Variants in PDLIM5 observed in about 807,000 individuals in gnomAD.
PDLIM5 encodes the protein PDZ and LIM domain protein 5.
In PDLIM5, 34 loss-of-function variants were observed where a neutral mutation model predicts 64.2. The ratio of observed to expected loss-of-function variants is 0.53; its 90% CI spans 0.40 to 0.71. The LOEUF is 0.71. Ranked by LOEUF, PDLIM5 falls within the 30% of genes least tolerant of loss-of-function variation. The probability of loss-of-function intolerance (pLI) is 0.00; values close to 1 mark genes in which losing one functional copy is unlikely to be tolerated. For missense variants in PDLIM5, 683 were observed against 733.6 expected (o/e 0.93, Z 0.80); for synonymous variants, 253 against 269.1 (o/e 0.94, Z 0.59).
At chr4:94,578,169 A>G (rs1195510223) in intron 5 of PDLIM5, among the ~76,000 whole-genome samples, 1 of 152,196 alleles carries the variant, frequency 6.6e-6, no homozygotes, top group Admixed American at 6.5e-5. Flanking sequence ...AAAAGCAAAC[A>G]GGTTATGGAA....
At chr4:94,602,747 C>T (rs1490742759) in intron 7 of PDLIM5, among the ~76,000 whole-genome samples, 1 of 152,180 alleles carries the variant, frequency 6.6e-6, no homozygotes, top group Non-Finnish European at 1.5e-5. Context: ...TGAGCCACCA[C>T]ACCAGGCCCC....
At chr4:94,656,694 G>A (rs1359670667) in intron 10 of PDLIM5, 1 of 151,018 alleles carries the variant, frequency 6.6e-6, no homozygotes, top group Non-Finnish European at 1.5e-5. Context: ...GAGTGCAGTG[G>A]CGCGATATCG....
At chr4:94,498,514 A>G (rs1023279363) in intron 2 of PDLIM5, among the ~76,000 whole-genome samples, 2 of 152,220 alleles carry the variant, frequency 1.3e-5, no homozygotes, top group Non-Finnish European at 2.9e-5. Flanking sequence ...GAAGTAGCAC[A>G]TTTATGAGAA....
chr4:94,617,644 C>CAAAA (rs61055444), intron 7 of PDLIM5, among the ~76,000 whole-genome samples: 7 of 66,440 alleles, frequency 1.1e-4, no homozygotes, highest in Admixed American at 1.7e-4. Flanking sequence ...CCTGTGTCTA[C>CAAAA]AAAAAAAAAA....
chr4:94,505,757 C>A (rs1466661492), intron 2 of PDLIM5, among the ~76,000 whole-genome samples: 1 of 152,154 alleles, frequency 6.6e-6, no homozygotes, highest in Non-Finnish European at 1.5e-5. Context: ...CAGGGCAGGG[C>A]GTATGAAAAG....
At chr4:94,647,247 T>C (rs1201001796) in intron 9 of PDLIM5, among the ~76,000 whole-genome samples, 1 of 152,126 alleles carries the variant, frequency 6.6e-6, no homozygotes, top group Non-Finnish European at 1.5e-5. Flanking sequence ...ATAAGTTGTC[T>C]ACAAGAGACA....
At position 94,575,765 on chromosome 4, in the gene PDLIM5, G is replaced by T; in HGVS notation, c.441G>T (p.Ser147=). The change falls in exon 5 of 13, where the codon TCG becomes TCT. Residue 147 remains serine (S), a synonymous_variant. Transcript: ENST00000317968. ...SPKVTSIPSP[S]SAFTPAHATT... ...AAGTCACATCCATCCCATCACCATC[G>T]TCTGCCTTCACCCCAGCCCATGCGA... 1 of 1,613,932 alleles carries T rather than the reference G, an allele frequency of 6.2e-7. No individual in the cohort carries two copies. Among genetic ancestry groups the T allele is most frequent in the Non-Finnish European group, 8.5e-7 (1 of 1,179,968 alleles).
Position 94,664,550 on chromosome 4 carries a change from A to G in PDLIM5, c.*483A>G, listed in dbSNP as rs1453945423. On this transcript the variant is annotated 3_prime_UTR_variant, in exon 13 of 13. Transcript: ENST00000317968. ...AATAGGATTTTAAACAGAGAATTTT[A>G]TCAGTAATAGGTGTCAGTTTTTAAA... 5.9e-6 allele frequency: 5 copies of G among 854,358 alleles called. No homozygotes were observed. Among genetic ancestry groups the G allele is most frequent in the Non-Finnish European group, 5.6e-6 (4 of 710,830 alleles). 52.9% of individuals were successfully genotyped at this position (854,358 alleles called of 1,614,324 possible). A position where few individuals can be genotyped will look rare whatever the true frequency, so the allele number is the denominator to read the frequency against.
chr4:94,582,693 T>TG, intron 5 of PDLIM5: 3 of 1,551,708 alleles, frequency 1.9e-6, no homozygotes, highest in Non-Finnish European at 2.7e-6. Context: ...GCATCTTTTT[T>TG]TGTGTGTGTT....
At chr4:94,557,247 T>C (rs1733422765) in intron 3 of PDLIM5, among the ~76,000 whole-genome samples, 1 of 152,190 alleles carries the variant, frequency 6.6e-6, no homozygotes, top group Non-Finnish European at 1.5e-5. Flanking sequence ...AGGGCTCTGT[T>C]CTGTTCCATT....
At chr4:94,476,295 G>A (rs977824488) in intron 2 of PDLIM5, among the ~76,000 whole-genome samples, 3 of 152,016 alleles carry the variant, frequency 2.0e-5, no homozygotes, top group Non-Finnish European at 4.4e-5. Context: ...TTCTGGACAC[G>A]TAAAAGTAAA....
chr4:94,627,186 G>C (rs575459362), intron 8 of PDLIM5, among the ~76,000 whole-genome samples: 135 of 152,250 alleles, frequency 8.9e-4, no homozygotes, highest in Non-Finnish European at 1.7e-3. Context: ...GCCCTGACTG[G>C]AGCTGTCCAT....
intron 3 of PDLIM5, among the ~76,000 whole-genome samples, chr4:94,564,515 C>A (rs147590909): frequency 0.01 from 1,544 of 152,208 alleles, 6 homozygotes; most frequent in Non-Finnish European, 0.018. Context: ...CCTTCTCTGA[C>A]CCTTTTGTAT....
chr4:94,631,533 A>G (rs1740146735), intron 8 of PDLIM5, among the ~76,000 whole-genome samples: 1 of 152,158 alleles, frequency 6.6e-6, no homozygotes, highest in African/African-American at 2.4e-5. Flanking sequence ...AAATCACCTC[A>G]ACTATCACTA....
At chr4:94,589,397 ATAGACT>A (rs1736497378) in intron 7 of PDLIM5, among the ~76,000 whole-genome samples, 2 of 152,228 alleles carry the variant, frequency 1.3e-5, no homozygotes, top group Non-Finnish European at 2.9e-5. Flanking sequence ...CATTAAAAGC[ATAGACT>A]TAGATAAATG....
At chr4:94,609,771 G>A (rs965694604) in intron 7 of PDLIM5, among the ~76,000 whole-genome samples, 1 of 151,856 alleles carries the variant, frequency 6.6e-6, no homozygotes, top group Admixed American at 6.6e-5. Context: ...GAGACTTTTT[G>A]GGAAAAAACA....
chr4:94,634,991 T>C (rs967593774), intron 8 of PDLIM5, among the ~76,000 whole-genome samples: 1 of 152,316 alleles, frequency 6.6e-6, no homozygotes, highest in South Asian at 2.1e-4. Flanking sequence ...TAAATTTATG[T>C]TTACTTATTT....
Position 94,523,803 on chromosome 4 carries a change from A to G in PDLIM5, c.176A>G (p.Gln59Arg), listed in dbSNP as rs1272947381. ...VVLSIDGINA[Q>R]GMTHLEAQNK... Reference sequence around the variant, plus strand: ...CTCAGCATTGATGGAATAAATGCACAAGGAATGACTCATCTTGAAGCCCAG... The same window carrying G: ...CTCAGCATTGATGGAATAAATGCACGAGGAATGACTCATCTTGAAGCCCAG... The change falls in exon 3 of 13, where the codon CAA becomes CGA. Residue 59 changes from glutamine (Q) to arginine (R), a missense_variant. Transcript: ENST00000317968. 2 of 1,612,172 alleles carry G rather than the reference A, an allele frequency of 1.2e-6. No homozygotes were observed. The highest frequency in any genetic ancestry group is 4.5e-5 in the East Asian group (2 of 44,856).
At chr4:94,466,240 T>G (rs11942920) in intron 2 of PDLIM5, among the ~76,000 whole-genome samples, 2,956 of 152,326 alleles carry the variant, frequency 0.019, 74 homozygotes, top group African/African-American at 0.061. Flanking sequence ...ACTGTTGGTA[T>G]TATAGGCCTG....
Sources: gnomAD v4.1 joint callset for allele counts (sites outside exome capture counted in the v4.1 genomes callset) on GRCh38, gnomAD v4.1.1 for gene constraint, MANE v1.5 for transcripts, NCBI Gene and HGNC (gene_info 2026-07-23, HGNC 2026-07-21) for gene names.